PCDHA4: variants seen among roughly 807,000 people sequenced by gnomAD.
PCDHA4 encodes the protein protocadherin alpha 4, also known as protocadherin alpha-4.
PCDHA4 carries 49 observed loss-of-function variants against 61.4 expected under a neutral mutation model. The observed-to-expected ratio is 0.80, with a 90% CI of 0.63 to 1.01. The LOEUF (loss-of-function observed/expected upper bound fraction) is 1.01. Among genes scored for constraint, PCDHA4 ranks in the 50% least tolerant of loss-of-function variants. The pLI is 0.00. For synonymous variants in PCDHA4, 590 were observed against 550.3 expected, an observed-to-expected ratio of 1.07 and a Z score of -1.01; for missense variants, 1,254 against 1,235.8, an observed-to-expected ratio of 1.01 and a Z score of -0.22.
chr5:140,982,678 C>T (rs781968397), intron 3 of PCDHA4, 115 bp downstream of exon 3: 29 of 1,438,778 alleles, frequency 2.0e-5, no homozygotes, highest in Non-Finnish European at 2.6e-5. Context: ...TTTGTTATTC[C>T]CTTTTTTCCA....
rs1554125265 is a variant in PCDHA4, at chr5:140,809,514, T to C, written c.2327T>C (p.Leu776Ser). The change falls in exon 1 of 4, where the codon TTA becomes TCA. Residue 776 changes from leucine to serine, a missense_variant. Physicochemically the swap from Leu to Ser is moderately radical, Grantham distance 145 (BLOSUM62 -2). Coordinates refer to ENST00000530339, the MANE Select transcript of PCDHA4 (RefSeq NM_018907.4). The stretch of plus-strand genomic sequence containing the variant: ...GACCTCATGGCCTTCAGCCCCAGTT[T>C]ACCTGACTCTAGGGACAGAGAAGAT... ...KTDLMAFSPS[L>S]PDSRDREDQL... 2 of 1,614,210 alleles carry C rather than the reference T, an allele frequency of 1.2e-6. No homozygotes were observed.
chr5:140,988,557 T>G (rs1236263807), intron 3 of PCDHA4, among the ~76,000 whole-genome samples: 3 of 152,190 alleles, frequency 2.0e-5, no homozygotes, highest in African/African-American at 7.2e-5. Context: ...CTTCATCTTC[T>G]TCTTGGGAAA....
rs1238840347 is a variant in PCDHA4 at position 140,858,526 on chromosome 5, AT to A, written c.2385+48959del. On this transcript the variant is annotated intron_variant, in intron 1 of 3. Coordinates refer to ENST00000530339, the MANE Select transcript of PCDHA4 (RefSeq NM_018907.4). ...TCTCAAATATGTATCAGAATATTTC[AT>A]TTTTGTCTACATTCCATTTATGCTT... 6.2e-5 allele frequency: 87 copies of A among 1,407,632 alleles called. 5 individuals carry two copies. The highest frequency in any genetic ancestry group is 8.4e-5 in the Non-Finnish European group (85 of 1,016,948). The allele number at this position is 1,407,632 out of a possible 1,614,324, so 87.2% of individuals were successfully genotyped here.
intron 1 of PCDHA4, among the ~76,000 whole-genome samples, chr5:140,878,256 C>G (rs2057518420): frequency 6.6e-6 from 1 of 152,160 alleles, no homozygotes; most frequent in Admixed American, 6.5e-5. Flanking sequence ...TCCTCACGTG[C>G]TTAGGCTTTT....
At chr5:140,922,577 T>C (rs155818) in intron 1 of PCDHA4, among the ~76,000 whole-genome samples, 48,013 of 152,060 alleles carry the variant, frequency 0.32, 7,938 homozygotes, top group East Asian at 0.53. Flanking sequence ...AGTTGCCCTG[T>C]AGCCGCCAGT....
intron 1 of PCDHA4, among the ~76,000 whole-genome samples, chr5:140,832,240 G>A (rs1297938454): frequency 6.6e-6 from 1 of 152,152 alleles, no homozygotes; most frequent in African/African-American, 2.4e-5. Flanking sequence ...GACTTTTTGT[G>A]TTGTCCATGT....
chr5:140,841,800 C>A, intron 1 of PCDHA4: 1 of 1,613,890 alleles, frequency 6.2e-7, no homozygotes, highest in South Asian at 1.1e-5. Flanking sequence ...GCGTCCGATG[C>A]AGATGTTGGA....
chr5:140,815,356 C>T (rs1194685534), intron 1 of PCDHA4: 1 of 151,876 alleles, frequency 6.6e-6, no homozygotes, highest in Non-Finnish European at 1.5e-5. Context: ...GTATATCTTC[C>T]ATAGGTATTT....
intron 1 of PCDHA4, chr5:140,868,845 A>G (rs1242434681): frequency 6.7e-6 from 3 of 451,106 alleles, no homozygotes; most frequent in Non-Finnish European, 7.5e-6. Flanking sequence ...AACACGTGAA[A>G]TTCTGTGGTG....
chr5:140,865,376 G>A (rs1554159396), intron 1 of PCDHA4: 1 of 152,162 alleles, frequency 6.6e-6, no homozygotes, highest in African/African-American at 2.4e-5. Context: ...CATGTTATAG[G>A]TAGGGTAAAG....
chr5:140,818,115 T>G (rs1287358560), intron 1 of PCDHA4, among the ~76,000 whole-genome samples: 3 of 152,250 alleles, frequency 2.0e-5, no homozygotes, highest in African/African-American at 7.2e-5. Flanking sequence ...TTTTATCAGT[T>G]TAAGAGAAGA....
chr5:140,987,043 A>G (rs1406153632), intron 3 of PCDHA4, among the ~76,000 whole-genome samples: 5 of 151,912 alleles, frequency 3.3e-5, no homozygotes, highest in Non-Finnish European at 7.4e-5. Flanking sequence ...GCGAAACCCC[A>G]TCTCTACTAA....
intron 1 of PCDHA4, chr5:140,857,954 C>G: frequency 6.3e-7 from 1 of 1,597,286 alleles, no homozygotes; most frequent in South Asian, 1.1e-5. Flanking sequence ...GACGCGCGCT[C>G]TGGATGAGAC....
At chr5:140,849,684 C>T (rs2150445118) in intron 1 of PCDHA4, 9 of 1,598,608 alleles carry the variant, frequency 5.6e-6, no homozygotes, top group African/African-American at 2.7e-5. Context: ...CCCCTTCAAG[C>T]TGGTGTCCAC....
chr5:140,868,138 A>G (rs1436780455), intron 1 of PCDHA4: 7 of 152,142 alleles, frequency 4.6e-5, no homozygotes, highest in African/African-American at 1.4e-4. Context: ...CTGTCATATC[A>G]TTGATTCTGT....
chr5:140,869,918 G>A, intron 1 of PCDHA4: 1 of 1,611,272 alleles, frequency 6.2e-7, no homozygotes. Context: ...CGAGACGAAG[G>A]AGTCAATGGA....
chr5:140,899,140 G>A (rs2067159296), intron 1 of PCDHA4, among the ~76,000 whole-genome samples: 1 of 152,090 alleles, frequency 6.6e-6, no homozygotes, highest in Non-Finnish European at 1.5e-5. Flanking sequence ...CTGCAAACAG[G>A]GACAATTTGA....
chr5:140,937,869 G>C (rs1268422806), intron 1 of PCDHA4, among the ~76,000 whole-genome samples: 1 of 150,376 alleles, frequency 6.6e-6, no homozygotes, highest in South Asian at 2.1e-4. Context: ...CCGAGATCGC[G>C]CCACTGCACT....
chr5:140,841,992 G>A (rs2150327070), intron 1 of PCDHA4: 8 of 1,613,646 alleles, frequency 5.0e-6, no homozygotes, highest in South Asian at 4.4e-5. Context: ...GAGCTCACAG[G>A]CACTGTTCAG....
Sources: gnomAD v4.1 joint callset for allele counts (sites outside exome capture counted in the v4.1 genomes callset) on GRCh38, gnomAD v4.1.1 for gene constraint, MANE v1.5 for transcripts, NCBI Gene and HGNC (gene_info 2026-07-23, HGNC 2026-07-21) for gene names.